GON4L: variants seen among roughly 807,000 people sequenced by gnomAD.
GON4L encodes GON-4-like protein.
GON4L carries 87 observed loss-of-function variants against 211.8 expected under a neutral mutation model. The ratio of observed to expected loss-of-function variants is 0.41; its 90% CI spans 0.35 to 0.49. GON4L has a LOEUF of 0.49. GON4L is among the 20% of genes least tolerant of loss of function. The pLI is 0.15. For missense variants in GON4L, 2,155 were observed against 2,659.5 expected, an observed-to-expected ratio of 0.81 and a Z score of 4.17; for synonymous variants, 875 against 962.6, an observed-to-expected ratio of 0.91 and a Z score of 1.68.
At chr1:155,830,745 C>G (rs1669683951) in intron 2 of GON4L, among the ~76,000 whole-genome samples, 1 of 152,046 alleles carries the variant, frequency 6.6e-6, no homozygotes, top group South Asian at 2.1e-4. Context: ...TGCCACCATG[C>G]CCAGCTAATT....
intron 12 of GON4L, among the ~76,000 whole-genome samples, chr1:155,791,889 T>TAAC (rs1665613403): frequency 2.0e-5 from 2 of 99,228 alleles, no homozygotes; most frequent in Non-Finnish European, 4.2e-5. Context: ...TAACATAACA[T>TAAC]AACATAACAT....
At chr1:155,854,193 C>G (rs766003456) in intron 1 of GON4L, among the ~76,000 whole-genome samples, 43 of 152,044 alleles carry the variant, frequency 2.8e-4, no homozygotes, top group Admixed American at 9.2e-4. Flanking sequence ...ACTCTGTCTC[C>G]CAGGCTGGAG....
chr1:155,767,846 C>G (rs1662696677), intron 19 of GON4L, among the ~76,000 whole-genome samples: 1 of 152,154 alleles, frequency 6.6e-6, no homozygotes, highest in African/African-American at 2.4e-5. Flanking sequence ...GAAAAGGAAG[C>G]AGATGCTCAG....
intron 2 of GON4L, among the ~76,000 whole-genome samples, chr1:155,828,807 CAAAAA>C (rs34551835): frequency 1.4e-5 from 1 of 72,796 alleles, no homozygotes; most frequent in African/African-American, 5.5e-5. Flanking sequence ...GACTCTGTCT[CAAAAA>C]AAAAAAAAAA....
chr1:155,797,855 GA>G (rs113490241), intron 11 of GON4L, among the ~76,000 whole-genome samples: 10,086 of 104,648 alleles, frequency 0.096, 406 homozygotes, highest in African/African-American at 0.14. Context: ...CATCTAACAA[GA>G]AAAAAAAAAA....
At chr1:155,821,386 T>C in intron 5 of GON4L, 88 bp downstream of exon 5, 4 of 812,042 alleles carry the variant, frequency 4.9e-6, no homozygotes, top group Non-Finnish European at 8.8e-6. Context: ...CCAAACTGTT[T>C]ACAAACTCCT....
At chr1:155,764,755 G>A (rs1662252119) in intron 21 of GON4L, 1 of 1,180,078 alleles carries the variant, frequency 8.5e-7, no homozygotes, top group Admixed American at 2.0e-5. Context: ...TATTTTTTAA[G>A]GCATTTAAAG....
chr1:155,813,563 C>G, intron 10 of GON4L, 71 bp downstream of exon 10: 3 of 1,143,874 alleles, frequency 2.6e-6, no homozygotes, highest in Non-Finnish European at 4.0e-6. Flanking sequence ...TTTTCCTCTC[C>G]CTTCCCAGCC....
intron 18 of GON4L, among the ~76,000 whole-genome samples, chr1:155,772,054 T>C (rs1162870126): frequency 2.0e-5 from 3 of 151,654 alleles, no homozygotes; most frequent in East Asian, 1.9e-4. Context: ...TGCCAGCTAC[T>C]TGGTCAGGAG....
chr1:155,745,853 C>T (rs750352575), downstream of GON4L: 9 of 795,332 alleles, frequency 1.1e-5, no homozygotes, highest in African/African-American at 1.8e-5. Context: ...CCGGGAGGTG[C>T]TCACACTGCA....
At chr1:155,829,960 T>A (rs1669594175) in intron 2 of GON4L, among the ~76,000 whole-genome samples, 1 of 151,786 alleles carries the variant, frequency 6.6e-6, no homozygotes, top group Non-Finnish European at 1.5e-5. Flanking sequence ...TTTTTGTTTT[T>A]TTTTTTTCCA....
chr1:155,849,672 G>GC (rs1215705428), intron 2 of GON4L, among the ~76,000 whole-genome samples: 4 of 150,702 alleles, frequency 2.7e-5, no homozygotes, highest in Admixed American at 6.6e-5. Context: ...TACTCGGGAG[G>GC]CTACGGCAGG....
Position 155,765,800 on chromosome 1 carries a change from C to T in GON4L, c.3673G>A (p.Ala1225Thr), listed in dbSNP as rs1662397577. ...LPIPSTPEDK[A>T]HVNVDIACAV... The stretch of plus-strand genomic sequence containing the variant: ...CAAGCAATGTCCACATTCACGTGGG[C>T]CTTATCTTCAGGGGTGGATGGTATA... The change falls in exon 21 of 32, where the codon GCC (alanine) becomes ACC (threonine). Residue 1225 changes from alanine to threonine, a missense_variant. Ala to Thr is a moderately conservative substitution (Grantham distance 58). This residue lies in a region of GON4L where 615 missense variants were observed against 625.7 expected (regional missense o/e 0.98). Coordinates refer to ENST00000368331, the MANE Select transcript of GON4L (RefSeq NM_001282860.2). 2 of 1,614,116 alleles carry T rather than the reference C, an allele frequency of 1.2e-6. No homozygotes were observed. The highest frequency in any genetic ancestry group is 2.2e-5 in the East Asian group (1 of 44,890).
At chr1:155,838,769 CAA>C (rs544440659) in intron 2 of GON4L, among the ~76,000 whole-genome samples, 3 of 69,106 alleles carry the variant, frequency 4.3e-5, no homozygotes, top group Non-Finnish European at 6.0e-5. Context: ...GACTCTGTCT[CAA>C]AAAAAAAAAA....
Position 155,813,763 on chromosome 1 carries a change from A to G in GON4L, c.1323T>C (p.Ala441=). The G allele has an allele frequency of 6.2e-7, 1 of 1,613,980 alleles. No individual in the cohort carries two copies. The highest frequency in any genetic ancestry group is 1.3e-5 in the African/African-American group (1 of 75,064). Residue 441 remains alanine, a synonymous_variant, in exon 10 of 32, where the codon GCT becomes GCC. Transcript: ENST00000368331. ...VTTPAIRHIS[A]EVVPMGPPPP... is the part of the protein sequence containing the mutation. ...GCGGGGGCCCCATGGGCACTACCTCAGCACTGATGTGCCTGATGGCTGGTG... is the reference window on the plus strand; with the variant it reads ...GCGGGGGCCCCATGGGCACTACCTCGGCACTGATGTGCCTGATGGCTGGTG...
rs756353916 is a variant in GON4L, at chr1:155,773,190, G to T, written c.2371C>A (p.Pro791Thr). ...KKTANEFPCL[P>T]KQVAWILATS... ...GCCAGAATCCAAGCCACTTGCTTTGGCAAACAGGGAAATTCATTCGCTATA... is the reference window on the plus strand; with the variant it reads ...GCCAGAATCCAAGCCACTTGCTTTGTCAAACAGGGAAATTCATTCGCTATA... The change falls in exon 18 of 32, where the codon CCA (proline) becomes ACA (threonine). Residue 791 changes from proline (P) to threonine (T), a missense_variant. Coordinates refer to ENST00000368331, the MANE Select transcript of GON4L (RefSeq NM_001282860.2). 6.2e-7 allele frequency: 1 copy of T among 1,614,028 alleles called. No homozygotes were observed. The highest frequency in any genetic ancestry group is 1.7e-5 in the Admixed American group (1 of 59,998).
chr1:155,755,057 C>G (rs967284548), intron 27 of GON4L, among the ~76,000 whole-genome samples: 5 of 150,800 alleles, frequency 3.3e-5, no homozygotes, highest in Non-Finnish European at 7.4e-5. Context: ...CGCACCACCA[C>G]GCCTAGCTAA....
intron 2 of GON4L, among the ~76,000 whole-genome samples, chr1:155,835,297 T>TA (rs1200616919): frequency 6.6e-6 from 1 of 152,086 alleles, no homozygotes; most frequent in Admixed American, 6.6e-5. Flanking sequence ...CACCACTCCC[T>TA]AATCTCAAGG....
At chr1:155,774,553 T>A (rs1465449035) in intron 17 of GON4L, among the ~76,000 whole-genome samples, 1 of 152,072 alleles carries the variant, frequency 6.6e-6, no homozygotes, top group Non-Finnish European at 1.5e-5. Context: ...GTGTTCCCCG[T>A]GCCTCGGCCT....
Sources: gnomAD v4.1 joint callset for allele counts (sites outside exome capture counted in the v4.1 genomes callset) on GRCh38, gnomAD v4.1.1 for gene constraint, gnomAD v4.1.1 regional missense constraint, MANE v1.5 for transcripts, NCBI Gene and HGNC (gene_info 2026-07-23, HGNC 2026-07-21) for gene names.